Variants in DLGAP4 observed in about 807,000 individuals in gnomAD.
DLGAP4 encodes the protein DLG associated protein 4, also known as disks large-associated protein 4.
Under a neutral mutation model 86.9 loss-of-function variants are expected in DLGAP4, and 18 were observed. The ratio of observed to expected loss-of-function variants is 0.21; its 90% confidence interval spans 0.14 to 0.31. The LOEUF is 0.31. Among genes scored for constraint, DLGAP4 ranks in the 10% least tolerant of loss-of-function variants. The probability of loss-of-function intolerance (pLI) is 1.00; values close to 1 mark genes in which losing one functional copy is unlikely to be tolerated. For synonymous variants in DLGAP4, 548 were observed against 574.3 expected (o/e 0.95, Z 0.65); for missense variants, 1,085 against 1,362.6 (o/e 0.80, Z 3.21).
intron 1 of DLGAP4, among the ~76,000 whole-genome samples, chr20:36,324,503 C>T (rs782125596): frequency 6.6e-6 from 1 of 152,004 alleles, no homozygotes; most frequent in Non-Finnish European, 1.5e-5. Flanking sequence ...TTTTTTTGTG[C>T]CTGGTGTGAG....
At chr20:36,312,399 A>G (rs1384841716) in intron 1 of DLGAP4, among the ~76,000 whole-genome samples, 1 of 151,946 alleles carries the variant, frequency 6.6e-6, no homozygotes, top group African/African-American at 2.4e-5. Flanking sequence ...ACACACACAC[A>G]CAGTGCAGCC....
At chr20:36,456,977 T>C (rs1435403154) in intron 7 of DLGAP4, among the ~76,000 whole-genome samples, 1 of 152,250 alleles carries the variant, frequency 6.6e-6, no homozygotes, top group Non-Finnish European at 1.5e-5. Flanking sequence ...GATCAAGTGC[T>C]CTGGGCCAGG....
chr20:36,455,140 C>T (rs1449531113), intron 7 of DLGAP4, among the ~76,000 whole-genome samples: 2 of 151,906 alleles, frequency 1.3e-5, no homozygotes, highest in African/African-American at 4.8e-5. Context: ...AGAACAGCCT[C>T]CCTCCTCCTC....
At position 36,359,818 on chromosome 20, in the gene DLGAP4, A is replaced by G. The variant is rs868967694; in HGVS notation, c.-303-7227A>G. Among the ~76,000 whole-genome samples, 5 of 152,244 alleles carry G rather than the reference A, an allele frequency of 3.3e-5. No homozygotes were observed. The South Asian group carries it at 8.3e-4, about 25-fold the overall frequency. On this transcript the variant is annotated intron_variant, in intron 1 of 12. Coordinates refer to ENST00000339266, the MANE Select transcript of DLGAP4 (RefSeq NM_001365621.2). ...CCTTGCAGCTTGGAGCCACTGCCCA[A>G]GCTTCTCAAAATGAGGCAAGGCATG...
chr20:36,497,417 G>A (rs982093083), intron 8 of DLGAP4: 15 of 1,132,744 alleles, frequency 1.3e-5, no homozygotes, highest in Middle Eastern at 3.9e-4. Context: ...CGTGGGAGGC[G>A]GGACTGGCCT....
chr20:36,436,441 AT>A, intron 4 of DLGAP4, 91 bp downstream of exon 4: 1 of 1,437,822 alleles, frequency 7.0e-7, no homozygotes. Context: ...CTGCATTAAA[AT>A]AAGCCCCGCC....
At chr20:36,485,417 C>T (rs1400478241) in intron 7 of DLGAP4, among the ~76,000 whole-genome samples, 1 of 151,560 alleles carries the variant, frequency 6.6e-6, no homozygotes, top group Admixed American at 6.6e-5. Flanking sequence ...ATTTCTGGTA[C>T]ATTTGGCAGC....
intron 1 of DLGAP4, among the ~76,000 whole-genome samples, chr20:36,330,168 A>T (rs538790829): frequency 1.3e-5 from 2 of 152,336 alleles, no homozygotes; most frequent in South Asian, 4.1e-4. Context: ...AACAAGAAAA[A>T]AATGACAATT....
At chr20:36,363,991 C>T (rs1555894429) in intron 1 of DLGAP4, among the ~76,000 whole-genome samples, 1 of 152,168 alleles carries the variant, frequency 6.6e-6, no homozygotes, top group African/African-American at 2.4e-5. Context: ...GGAGGGCTTC[C>T]TGGAGGAGGA....
intron 2 of DLGAP4, among the ~76,000 whole-genome samples, chr20:36,396,537 A>G (rs1205282618): frequency 1.1e-5 from 1 of 87,760 alleles, no homozygotes; most frequent in East Asian, 5.3e-4. Context: ...GTGCACACAC[A>G]CGCACACACA....
At chr20:36,429,618 G>C (rs1252056200) in intron 2 of DLGAP4, among the ~76,000 whole-genome samples, 1 of 151,380 alleles carries the variant, frequency 6.6e-6, no homozygotes, top group Non-Finnish European at 1.5e-5. Flanking sequence ...TGTTGGCCTG[G>C]GTGGTCTCAA....
chr20:36,351,805 G>GC (rs2030163511), intron 1 of DLGAP4, among the ~76,000 whole-genome samples: 1 of 152,100 alleles, frequency 6.6e-6, no homozygotes, highest in African/African-American at 2.4e-5. Context: ...CAATTACTAT[G>GC]CCCCAGACAC....
rs1011850383 is a variant in DLGAP4, at chr20:36,432,346, A to C, written c.629A>C (p.Asn210Thr). The change falls in exon 3 of 13, where the codon AAC (asparagine) becomes ACC (threonine). Residue 210 changes from asparagine to threonine, a missense_variant. By Grantham distance (65) the Asn-to-Thr change is moderately conservative. Coordinates refer to ENST00000339266, the MANE Select transcript of DLGAP4 (RefSeq NM_001365621.2). This position sits in a 1 kb window ranked among gnomAD's most constrained non-coding sequence, Gnocchi z 6.5. ...TCAGGCTGGTGGAGCTCCGATGACA[A>C]CTTGGACGGCGAGGCCGGCGCCTTC... ...NISGWWSSDDNLDGEAGAFRS... is the reference protein window; with the variant it reads ...NISGWWSSDDTLDGEAGAFRS... The C allele has an allele frequency of 1.9e-6, 3 of 1,613,524 alleles. No homozygotes were observed. The highest frequency in any genetic ancestry group is 1.7e-6 in the Non-Finnish European group (2 of 1,179,932).
At chr20:36,343,615 A>C (rs1447582348) in intron 1 of DLGAP4, among the ~76,000 whole-genome samples, 1 of 151,470 alleles carries the variant, frequency 6.6e-6, no homozygotes, top group Admixed American at 6.6e-5. Flanking sequence ...TGAGGCTACC[A>C]GGTACCCCCC....
At chr20:36,505,651 C>G (rs2036330695) in intron 10 of DLGAP4, among the ~76,000 whole-genome samples, 1 of 152,138 alleles carries the variant, frequency 6.6e-6, no homozygotes, top group Non-Finnish European at 1.5e-5. Context: ...TGGCATGTGC[C>G]TGTCATTCCA....
intron 1 of DLGAP4, among the ~76,000 whole-genome samples, chr20:36,357,881 C>T (rs1219560496): frequency 6.6e-6 from 1 of 152,170 alleles, no homozygotes; most frequent in Non-Finnish European, 1.5e-5. Context: ...CGGATCCCGT[C>T]GGAAAGTTTA....
rs2147775747 is a variant in DLGAP4 at position 36,499,665 on chromosome 20, G to A, written c.2088G>A (p.Glu696=). The A allele has an allele frequency of 1.2e-6, 2 of 1,613,754 alleles. No individual in the cohort carries two copies. Among genetic ancestry groups the A allele is most frequent in the Admixed American group, 3.3e-5 (2 of 59,954 alleles). The change falls in exon 9 of 13, where the codon GAG becomes GAA. Residue 696 remains glutamate (E), a synonymous_variant. Transcript: ENST00000339266. ...TCCAGTCCATCGGGGTTCAGGTAGA[G>A]GACGACTGGCGGTAAGTCGGACAGA... ...TKFQSIGVQV[E]DDWRSSVPSH... is the part of the protein sequence containing the mutation.
intron 1 of DLGAP4, among the ~76,000 whole-genome samples, chr20:36,337,188 C>G (rs1555892171): frequency 6.6e-6 from 1 of 152,166 alleles, no homozygotes; most frequent in Non-Finnish European, 1.5e-5. Context: ...ACAGCCCCAG[C>G]GTGATCTACA....
At chr20:36,458,898 G>T (rs1414259557) in intron 7 of DLGAP4, among the ~76,000 whole-genome samples, 1 of 152,114 alleles carries the variant, frequency 6.6e-6, no homozygotes, top group African/African-American at 2.4e-5. Context: ...TTCTTTGGTG[G>T]ATTGGATGTG....
Sources: gnomAD v4.1 joint callset for allele counts (sites outside exome capture counted in the v4.1 genomes callset) on GRCh38, gnomAD v4.1.1 for gene constraint, Gnocchi (gnomAD v3.1) non-coding constraint, MANE v1.5 for transcripts, NCBI Gene and HGNC (gene_info 2026-07-23, HGNC 2026-07-21) for gene names.